The following CDKL1 variants were observed in gnomAD, a reference collection of about 807,000 sequenced individuals.
CDKL1 encodes the protein cyclin-dependent kinase-like 1.
A neutral mutation model predicts 42.0 loss-of-function variants in CDKL1; 41 were observed. The observed-to-expected ratio is 0.98, with a 90% CI of 0.76 to 1.27. CDKL1 has a LOEUF of 1.27. Among genes scored for constraint, CDKL1 ranks in the 50% most tolerant of loss-of-function variants. The pLI is 0.00. For missense variants in CDKL1, 394 were observed against 428.4 expected (o/e 0.92, Z 0.71); for synonymous variants, 153 against 158.6 (o/e 0.96, Z 0.26).
At chr14:50,332,093 G>A (rs757510008) in intron 9 of CDKL1, 169 bp downstream of exon 9, 131 of 1,578,152 alleles carry the variant, frequency 8.3e-5, no homozygotes, top group Non-Finnish European at 1.1e-4. Flanking sequence ...TCAGGGAGAG[G>A]GGGCTTCAGG....
chr14:50,374,983 T>C (rs1178946079), intron 2 of CDKL1, among the ~76,000 whole-genome samples: 2 of 152,098 alleles, frequency 1.3e-5, no homozygotes, highest in Non-Finnish European at 2.9e-5. Context: ...AAATACCTAA[T>C]GTGTGTGGGG....
chr14:50,352,870 A>C (rs1407531849), intron 3 of CDKL1, among the ~76,000 whole-genome samples: 1 of 152,256 alleles, frequency 6.6e-6, no homozygotes, highest in Non-Finnish European at 1.5e-5. Context: ...ACCCATACCC[A>C]AATTCTGAGT....
intron 3 of CDKL1, among the ~76,000 whole-genome samples, chr14:50,354,772 A>G (rs1186203148): frequency 2.6e-5 from 4 of 152,194 alleles, no homozygotes; most frequent in Non-Finnish European, 5.9e-5. Flanking sequence ...AAGCTTTCCA[A>G]GGGAGTACCA....
intron 2 of CDKL1, chr14:50,390,376 G>A (rs1172940695): frequency 1.5e-6 from 2 of 1,363,560 alleles, no homozygotes; most frequent in Non-Finnish European, 2.0e-6. Context: ...TGCCACTGCT[G>A]GCAGAAATTC....
intron 6 of CDKL1, among the ~76,000 whole-genome samples, chr14:50,340,604 A>T (rs1294300494): frequency 6.6e-6 from 1 of 152,202 alleles, no homozygotes; most frequent in Non-Finnish European, 1.5e-5. Flanking sequence ...AAGGTTGGGA[A>T]TCATTCTCCA....
intron 7 of CDKL1, among the ~76,000 whole-genome samples, chr14:50,335,161 T>G (rs2033188656): frequency 6.7e-6 from 1 of 150,152 alleles, no homozygotes; most frequent in East Asian, 2.0e-4. Flanking sequence ...CTGGGGGTGG[T>G]GGTGTGCGCC....
intron 2 of CDKL1, among the ~76,000 whole-genome samples, chr14:50,392,452 A>AAATAATAATAAT (rs56882058): frequency 9.1e-4 from 122 of 134,490 alleles, no homozygotes; most frequent in Non-Finnish European, 1.3e-3. Flanking sequence ...TCCAAAAAAG[A>AAATAATAATAAT]AATAATAATA....
intron 2 of CDKL1, among the ~76,000 whole-genome samples, chr14:50,367,278 G>A (rs1401622859): frequency 6.6e-6 from 1 of 152,210 alleles, no homozygotes; most frequent in Non-Finnish European, 1.5e-5. Context: ...CCTGGGTTGG[G>A]GTCGAGTGAC....
intron 2 of CDKL1, among the ~76,000 whole-genome samples, chr14:50,383,571 AACAAC>A (rs1566608476): frequency 2.0e-5 from 3 of 149,374 alleles, no homozygotes; most frequent in Admixed American, 6.6e-5. Context: ...AAAAACAAAC[AACAAC>A]AACAACAACA....
At chr14:50,357,810 T>C (rs1475560538) in intron 3 of CDKL1, among the ~76,000 whole-genome samples, 6 of 152,242 alleles carry the variant, frequency 3.9e-5, no homozygotes, top group Admixed American at 1.3e-4. Flanking sequence ...CCTGTGGCCA[T>C]GCTTTCTATT....
intron 6 of CDKL1, among the ~76,000 whole-genome samples, chr14:50,340,671 G>A (rs6572660): frequency 0.76 from 114,895 of 152,128 alleles, 44,358 homozygotes; most frequent in African/African-American, 0.93. Context: ...CATCCAAATG[G>A]ATTACCCCAT....
chr14:50,360,825 T>TGA (rs2034222917), intron 2 of CDKL1, among the ~76,000 whole-genome samples: 2 of 149,050 alleles, frequency 1.3e-5, no homozygotes, highest in Admixed American at 6.8e-5. Flanking sequence ...TGTGTGTGTG[T>TGA]GATTGGCTTA....
chr14:50,355,058 A>G (rs2139437505), intron 3 of CDKL1, among the ~76,000 whole-genome samples: 1 of 152,116 alleles, frequency 6.6e-6, no homozygotes, highest in Non-Finnish European at 1.5e-5. Flanking sequence ...ATTATAGTAT[A>G]ATTTTTTTTC....
chr14:50,352,022 A>G (rs970664100), intron 3 of CDKL1, among the ~76,000 whole-genome samples: 32 of 152,312 alleles, frequency 2.1e-4, no homozygotes, highest in African/African-American at 7.0e-4. Flanking sequence ...CTAAAAATTG[A>G]TATTTTGAGA....
At chr14:50,335,949 A>G (rs983878347) in intron 7 of CDKL1, 2 of 1,356,290 alleles carry the variant, frequency 1.5e-6, no homozygotes, top group Non-Finnish European at 2.0e-6. Flanking sequence ...GTAGGTTTGT[A>G]TTAGCCCTTG....
chr14:50,372,350 TC>T (rs1223754379), intron 2 of CDKL1, among the ~76,000 whole-genome samples: 4 of 152,210 alleles, frequency 2.6e-5, no homozygotes, highest in African/African-American at 9.6e-5. Context: ...ACTCCTGACC[TC>T]AGGTGATCTG....
chr14:50,394,372 GATA>G (rs933026622), intron 2 of CDKL1, among the ~76,000 whole-genome samples: 1 of 152,194 alleles, frequency 6.6e-6, no homozygotes, highest in African/African-American at 2.4e-5. Context: ...CCTCTCAATA[GATA>G]ATATCCTGTT....
chr14:50,396,583 C>T (rs1595390463), intron 1 of CDKL1, among the ~76,000 whole-genome samples: 1 of 152,254 alleles, frequency 6.6e-6, no homozygotes. Flanking sequence ...GGGCTAAGGG[C>T]TTCCCCGGTT....
At chr14:50,380,638 TTGA>T (rs2034877036) in intron 2 of CDKL1, among the ~76,000 whole-genome samples, 1 of 152,198 alleles carries the variant, frequency 6.6e-6, no homozygotes, top group African/African-American at 2.4e-5. Flanking sequence ...CTCCACTGTA[TTGA>T]TGACATCATG....
Sources: gnomAD v4.1 joint callset for allele counts (sites outside exome capture counted in the v4.1 genomes callset) on GRCh38, gnomAD v4.1.1 for gene constraint, MANE v1.5 for transcripts, NCBI Gene and HGNC (gene_info 2026-07-23, HGNC 2026-07-21) for gene names.